The following IL19 variants were observed in gnomAD, a reference collection of about 807,000 sequenced individuals.
IL19 encodes interleukin 19.
A neutral mutation model predicts 19.5 loss-of-function variants in IL19; 15 were observed. The ratio of observed to expected loss-of-function variants is 0.77; its 90% CI spans 0.52 to 1.19. IL19 has a LOEUF of 1.19. Among genes scored for constraint, IL19 ranks in the 50% most tolerant of loss-of-function variants. The pLI, the probability that IL19 is intolerant of heterozygous loss-of-function variation, is 0.00. For synonymous variants in IL19, 78 were observed against 78.3 expected (o/e 1.00, Z 0.02); for missense variants, 199 against 213.1 (o/e 0.93, Z 0.41).
At chr1:206,772,489 A>G in intron 1 of IL19, 1 of 1,543,204 alleles carries the variant, frequency 6.5e-7, no homozygotes, top group Non-Finnish European at 8.9e-7. Context: ...CAAGCCCCTG[A>G]TGTGTAGACC....
At chr1:206,838,835 C>T (rs751408367) in intron 4 of IL19, among the ~76,000 whole-genome samples, 8 of 148,046 alleles carry the variant, frequency 5.4e-5, no homozygotes, top group Non-Finnish European at 7.4e-5. Flanking sequence ...TCCCACCTTC[C>T]TTTTTTCTGC....
At chr1:206,815,226 G>T (rs1269849401) in intron 2 of IL19, among the ~76,000 whole-genome samples, 1 of 152,184 alleles carries the variant, frequency 6.6e-6, no homozygotes, top group African/African-American at 2.4e-5. Context: ...GCCTGAGAGA[G>T]AAAATGAGAA....
chr1:206,827,453 G>A (rs1159685776), intron 2 of IL19, among the ~76,000 whole-genome samples: 1 of 152,170 alleles, frequency 6.6e-6, no homozygotes, highest in African/African-American at 2.4e-5. Context: ...CACTTTGGGA[G>A]GTCGAGGAGG....
intron 1 of IL19, among the ~76,000 whole-genome samples, chr1:206,778,651 G>A (rs188046460): frequency 3.8e-4 from 58 of 152,142 alleles, no homozygotes; most frequent in African/African-American, 1.0e-3. Context: ...TTGAGCAGGG[G>A]GTTCCACATT....
chr1:206,834,303 T>A, intron 2 of IL19: 9 of 985,586 alleles, frequency 9.1e-6, no homozygotes, highest in Non-Finnish European at 1.1e-5. Context: ...TGACAGCATT[T>A]CCTCTTATCC....
At position 206,842,819 on chromosome 1, in the gene IL19, G is replaced by T; in HGVS notation, c.*197G>T. On this transcript the variant is annotated 3_prime_UTR_variant, in exon 7 of 7. Coordinates refer to ENST00000659997, the MANE Select transcript of IL19 (RefSeq NM_153758.5). Reference sequence around the variant, plus strand: ...GTGGTATTTGTAATAAACTCTATCTGCTGAAAGGGCCTGCAGGCCATCCTG... The same window carrying T: ...GTGGTATTTGTAATAAACTCTATCTTCTGAAAGGGCCTGCAGGCCATCCTG... The T allele has an allele frequency of 2.0e-6, 1 of 500,290 alleles. No homozygotes were observed. The highest frequency in any genetic ancestry group is 3.6e-6 in the Non-Finnish European group (1 of 279,276). 31.0% of individuals were successfully genotyped at this position (500,290 alleles called of 1,614,324 possible). A position where few individuals can be genotyped will look rare whatever the true frequency, so the allele number is the denominator to read the frequency against.
At chr1:206,780,657 A>G (rs182176334) in intron 1 of IL19, among the ~76,000 whole-genome samples, 1 of 152,358 alleles carries the variant, frequency 6.6e-6, no homozygotes, top group Admixed American at 6.5e-5. Context: ...GTCTTCTTTT[A>G]TAAATGGGCA....
At position 206,804,921 on chromosome 1, in the gene IL19, G is replaced by T. The variant is rs1391588578; in HGVS notation, c.-3+5915G>T. ...AATCCCAGAGAAATGCTCTTTAGAA[G>T]AATCCACCAGACTCCTTCCTTTCTA... On this transcript the variant is annotated intron_variant, in intron 2 of 6. Coordinates refer to ENST00000659997, the MANE Select transcript of IL19 (RefSeq NM_153758.5). 3.3e-5 allele frequency among the ~76,000 whole-genome samples: 5 copies of T among 152,222 alleles called. No homozygotes were observed. The East Asian group carries it at 5.8e-4, about 18-fold the overall frequency.
At chr1:206,808,316 C>A (rs1423470419) in intron 2 of IL19, among the ~76,000 whole-genome samples, 1 of 152,096 alleles carries the variant, frequency 6.6e-6, no homozygotes, top group South Asian at 2.1e-4. Flanking sequence ...AGAAACAGAG[C>A]GAGACTCCAT....
At chr1:206,835,758 C>G (rs1466062067) in intron 2 of IL19, among the ~76,000 whole-genome samples, 2 of 152,234 alleles carry the variant, frequency 1.3e-5, no homozygotes, top group African/African-American at 2.4e-5. Context: ...TAAGGCTAAG[C>G]TCTATTTATA....
chr1:206,791,729 C>A (rs1197159700), intron 1 of IL19, among the ~76,000 whole-genome samples: 1 of 152,202 alleles, frequency 6.6e-6, no homozygotes, highest in African/African-American at 2.4e-5. Flanking sequence ...TTTCCTTCAC[C>A]AAAACTTCAC....
At chr1:206,788,537 T>TTA (rs1553438702) in intron 1 of IL19, among the ~76,000 whole-genome samples, 1 of 151,800 alleles carries the variant, frequency 6.6e-6, no homozygotes, top group Non-Finnish European at 1.5e-5. Flanking sequence ...TTTTTTTTTT[T>TTA]ATCTCAAGAG....
At chr1:206,835,882 G>C (rs1291072137) in intron 2 of IL19, among the ~76,000 whole-genome samples, 1 of 152,254 alleles carries the variant, frequency 6.6e-6, no homozygotes, top group Non-Finnish European at 1.5e-5. Flanking sequence ...TAAATGAAGA[G>C]GCAGCAAGAA....
intron 1 of IL19, among the ~76,000 whole-genome samples, chr1:206,773,205 A>C (rs1335884444): frequency 6.6e-6 from 1 of 152,142 alleles, no homozygotes; most frequent in East Asian, 1.9e-4. Flanking sequence ...CACTTGCTGA[A>C]AGCTTCTTAT....
At chr1:206,808,026 T>G (rs149251768) in intron 2 of IL19, among the ~76,000 whole-genome samples, 19 of 152,362 alleles carry the variant, frequency 1.2e-4, no homozygotes, top group African/African-American at 4.6e-4. Context: ...GGTTCCTAAT[T>G]TGGTGCCATA....
At chr1:206,783,261 C>T (rs1034472862) in intron 1 of IL19, among the ~76,000 whole-genome samples, 9 of 152,134 alleles carry the variant, frequency 5.9e-5, no homozygotes, top group African/African-American at 1.4e-4. Flanking sequence ...CTCCAGAGGC[C>T]CTAAGTTGTC....
chr1:206,834,555 GA>G (rs879667290), intron 2 of IL19, among the ~76,000 whole-genome samples: 2 of 152,198 alleles, frequency 1.3e-5, no homozygotes, highest in Admixed American at 1.3e-4. Context: ...GTACTCTATA[GA>G]AAAGGTGAAT....
At chr1:206,779,806 T>C (rs1481782203) in intron 1 of IL19, among the ~76,000 whole-genome samples, 1 of 152,086 alleles carries the variant, frequency 6.6e-6, no homozygotes, top group Non-Finnish European at 1.5e-5. Flanking sequence ...TCCAGCCTCA[T>C]TGACTTTCTT....
intron 2 of IL19, among the ~76,000 whole-genome samples, chr1:206,812,499 T>G (rs1386032132): frequency 6.6e-6 from 1 of 152,218 alleles, no homozygotes; most frequent in Admixed American, 6.5e-5. Flanking sequence ...GAAATTGGAT[T>G]GCTGCCACTC....
Sources: allele counts gnomAD v4.1 joint callset (sites outside exome capture counted in the v4.1 genomes callset), GRCh38; gene constraint gnomAD v4.1.1; transcripts MANE v1.5; gene names NCBI Gene and HGNC (gene_info 2026-07-23, HGNC 2026-07-21).